UBE2G1: variants seen among roughly 807,000 people sequenced by gnomAD.
UBE2G1 encodes the protein ubiquitin-conjugating enzyme E2 G1.
Under a neutral mutation model 22.7 loss-of-function variants are expected in UBE2G1, and 5 were observed. The observed-to-expected ratio is 0.22, with a 90% CI of 0.12 to 0.46. The LOEUF (loss-of-function observed/expected upper bound fraction) is 0.46. UBE2G1 is among the 20% of genes least tolerant of loss of function. The pLI is 0.99. For synonymous variants in UBE2G1, 74 were observed against 67.5 expected, an observed-to-expected ratio of 1.10 and a Z score of -0.47; for missense variants, 88 against 203.9, an observed-to-expected ratio of 0.43 and a Z score of 3.46.
intron 1 of UBE2G1, among the ~76,000 whole-genome samples, chr17:4,334,497 G>A (rs1969621858): frequency 2.0e-5 from 3 of 152,062 alleles, no homozygotes; most frequent in Admixed American, 2.0e-4. Context: ...TTAGTCACTT[G>A]TAACTGGTTT....
In UBE2G1 at chr17:4,302,626, G is replaced by C. The variant is rs868298393; in HGVS notation, c.149+4395C>G. On this transcript the variant is annotated intron_variant, in intron 2 of 5. Coordinates refer to ENST00000396981, the MANE Select transcript of UBE2G1 (RefSeq NM_003342.5). ...TATCTGTGGTCTTACTCTATTTTGT[G>C]AATCATGCCCAGGGTGAGAACCTAA... The C allele has an allele frequency of 2.2e-5, 8 of 359,204 alleles. No individual in the cohort carries two copies. The Middle Eastern group carries it at 1.5e-3, about 67-fold the overall frequency. The allele number at this position is 359,204 out of a possible 1,614,324, so 22.3% of individuals were successfully genotyped here. A position where few individuals can be genotyped will look rare whatever the true frequency, so the allele number is the denominator to read the frequency against.
In UBE2G1 at chr17:4,277,799, T is replaced by A. The variant is rs1189063977; in HGVS notation, c.*37+4999A>T. On this transcript the variant is annotated intron_variant, in intron 5 of 5. Coordinates refer to ENST00000396981, the MANE Select transcript of UBE2G1 (RefSeq NM_003342.5). ...ATCACATGACTGAAAACACAAAAAA[T>A]ACTCAGAAAGTGCATGGTGATAAAG... Among the ~76,000 whole-genome samples the A allele has an allele frequency of 4.9e-5, 7 of 143,550 alleles. No individual in the cohort carries two copies. In the East Asian group the frequency reaches 8.3e-4, roughly 17 times the overall value. 94.2% of individuals were successfully genotyped at this position (143,550 alleles called of 152,430 possible). A position where few individuals can be genotyped will look rare whatever the true frequency, so the allele number is the denominator to read the frequency against.
At chr17:4,299,397 T>TCAA in intron 2 of UBE2G1, among the ~76,000 whole-genome samples, 1 of 152,170 alleles carries the variant, frequency 6.6e-6, no homozygotes, top group Non-Finnish European at 1.5e-5. Context: ...AGACTCTGTC[T>TCAA]CAACAACAAC....
At chr17:4,314,076 T>C (rs1353592479) in intron 1 of UBE2G1, among the ~76,000 whole-genome samples, 1 of 152,194 alleles carries the variant, frequency 6.6e-6, no homozygotes, top group South Asian at 2.1e-4. Flanking sequence ...TAAAATGACA[T>C]TGCTTTCAAA....
chr17:4,347,278 ACC>A (rs1455058100), intron 1 of UBE2G1, among the ~76,000 whole-genome samples: 2 of 152,142 alleles, frequency 1.3e-5, no homozygotes, highest in African/African-American at 2.4e-5. Context: ...TGGAAATGTA[ACC>A]CAAGTCTATT....
intron 1 of UBE2G1, among the ~76,000 whole-genome samples, chr17:4,348,185 G>A (rs935793699): frequency 1.3e-5 from 2 of 152,122 alleles, no homozygotes; most frequent in Non-Finnish European, 2.9e-5. Context: ...CTAAGCCCAG[G>A]AGGCTGAGGC....
chr17:4,315,815 TTTC>T (rs1440153586), intron 1 of UBE2G1, among the ~76,000 whole-genome samples: 1 of 135,602 alleles, frequency 7.4e-6, no homozygotes, highest in African/African-American at 2.9e-5. Flanking sequence ...TTTTTTTTTT[TTTC>T]CTCCCTGAGA....
intron 5 of UBE2G1, among the ~76,000 whole-genome samples, chr17:4,277,845 CAAG>C (rs1177946891): frequency 1.3e-5 from 2 of 151,860 alleles, no homozygotes; most frequent in African/African-American, 4.8e-5. Flanking sequence ...AGCCAGCCTT[CAAG>C]AAGAGACAGG....
At chr17:4,347,797 AT>A (rs1227951357) in intron 1 of UBE2G1, among the ~76,000 whole-genome samples, 2 of 151,806 alleles carry the variant, frequency 1.3e-5, no homozygotes, top group Non-Finnish European at 2.9e-5. Flanking sequence ...TTATTACTAT[AT>A]TTGTTATGGT....
intron 1 of UBE2G1, among the ~76,000 whole-genome samples, chr17:4,365,815 C>G (rs1302745252): frequency 6.6e-6 from 1 of 152,210 alleles, no homozygotes; most frequent in Non-Finnish European, 1.5e-5. Flanking sequence ...CCGCCAGGGC[C>G]GGTCCCTTCC....
chr17:4,316,078 C>A (rs1969368232), intron 1 of UBE2G1, among the ~76,000 whole-genome samples: 1 of 152,076 alleles, frequency 6.6e-6, no homozygotes, highest in Non-Finnish European at 1.5e-5. Flanking sequence ...GCTGGGATTA[C>A]AAGCGTGAGC....
intron 1 of UBE2G1, among the ~76,000 whole-genome samples, chr17:4,331,178 A>T (rs1969573284): frequency 6.6e-6 from 1 of 152,222 alleles, no homozygotes; most frequent in Non-Finnish European, 1.5e-5. Context: ...GCCTTTCTAG[A>T]AGGCAATCAG....
At chr17:4,344,471 C>T (rs144102675) in intron 1 of UBE2G1, among the ~76,000 whole-genome samples, 317 of 151,162 alleles carry the variant, frequency 2.1e-3, no homozygotes, top group African/African-American at 7.2e-3. Context: ...ACCCGGGAGG[C>T]GGAGGCTGCA....
chr17:4,282,966 C>T, intron 4 of UBE2G1, 45 bp from the exon 5 acceptor site: 1 of 1,406,994 alleles, frequency 7.1e-7, no homozygotes, highest in Non-Finnish European at 9.9e-7. Flanking sequence ...TGCAAACTCC[C>T]CTTTATAATC....
In UBE2G1 at chr17:4,275,102, T is replaced by TA. The variant is rs200049344; in HGVS notation, c.*38-2587dup. 6.6e-3 allele frequency among the ~76,000 whole-genome samples: 1,001 copies of TA among 150,754 alleles called. 7 individuals carry two copies. Among genetic ancestry groups the TA allele is most frequent in the African/African-American group, 0.023 (924 of 41,046 alleles). On this transcript the variant is annotated intron_variant, in intron 5 of 5. Transcript: ENST00000396981. ...AGGCAACAGAGCAAGACTCCCGTCT[T>TA]AAAAAAAAACAACACTAAAATCAGG...
At chr17:4,337,324 AAAAAAAAAAG>A (rs1969659535) in intron 1 of UBE2G1, among the ~76,000 whole-genome samples, 1 of 138,806 alleles carries the variant, frequency 7.2e-6, no homozygotes, top group Non-Finnish European at 1.5e-5. Context: ...CTGTGTAAAA[AAAAAAAAAAG>A]AAAAGAAAAG....
At chr17:4,364,984 T>C (rs1177545589) in intron 1 of UBE2G1, among the ~76,000 whole-genome samples, 1 of 152,238 alleles carries the variant, frequency 6.6e-6, no homozygotes, top group Non-Finnish European at 1.5e-5. Context: ...AGAACTTTAA[T>C]ACTTGTCCAA....
chr17:4,326,425 C>A (rs909524111), intron 1 of UBE2G1, among the ~76,000 whole-genome samples: 2 of 152,118 alleles, frequency 1.3e-5, no homozygotes, highest in African/African-American at 2.4e-5. Flanking sequence ...AACACACACA[C>A]AGAAAATGAC....
At chr17:4,286,482 A>G (rs143825096) in intron 4 of UBE2G1, among the ~76,000 whole-genome samples, 11 of 152,286 alleles carry the variant, frequency 7.2e-5, no homozygotes, top group African/African-American at 2.6e-4. Flanking sequence ...CTAACTAGTT[A>G]AATCAGAAGG....
Sources: allele counts gnomAD v4.1 joint callset (sites outside exome capture counted in the v4.1 genomes callset), GRCh38; gene constraint gnomAD v4.1.1; transcripts MANE v1.5; gene names NCBI Gene and HGNC (gene_info 2026-07-23, HGNC 2026-07-21).